The following TJAP1 variants were observed in gnomAD, a reference collection of about 807,000 sequenced individuals.
TJAP1 encodes the protein tight junction associated protein 1, also known as tight junction-associated protein 1.
In TJAP1, 27 loss-of-function variants were observed where a neutral mutation model predicts 42.0. The observed-to-expected ratio is 0.64, with a 90% CI of 0.47 to 0.89. The LOEUF is 0.89. Among genes scored for constraint, TJAP1 ranks in the 40% least tolerant of loss-of-function variants. The probability of loss-of-function intolerance (pLI) is 0.00; values close to 1 mark genes in which losing one functional copy is unlikely to be tolerated. For missense variants in TJAP1, 712 were observed against 726.9 expected, an observed-to-expected ratio of 0.98 and a Z score of 0.24; for synonymous variants, 257 against 288.4, an observed-to-expected ratio of 0.89 and a Z score of 1.10.
chr6:43,486,175 G>C (rs927965402), intron 2 of TJAP1, among the ~76,000 whole-genome samples: 2 of 151,830 alleles, frequency 1.3e-5, no homozygotes, highest in Non-Finnish European at 2.9e-5. Context: ...ATTTTGGCCA[G>C]GCTAGTCTGG....
chr6:43,504,627 G>C (rs1791817052), intron 10 of TJAP1, 134 bp from the exon 11 acceptor site: 1 of 1,131,940 alleles, frequency 8.8e-7, no homozygotes, highest in Non-Finnish European at 1.3e-6. Flanking sequence ...ACACTGGCAT[G>C]CTGTAAGAAC....
chr6:43,501,925 A>ACT (rs1790846971), intron 6 of TJAP1, among the ~76,000 whole-genome samples: 8 of 102,290 alleles, frequency 7.8e-5, no homozygotes, highest in African/African-American at 1.9e-4. Context: ...ACACACACAC[A>ACT]CACTCTCTCT....
chr6:43,503,700 T>G lies in TJAP1; in HGVS notation c.573T>G (p.Phe191Leu). The change falls in exon 10 of 11, where the codon TTT becomes TTG. Residue 191 changes from phenylalanine (F) to leucine (L), a missense_variant. By Grantham distance (22) the Phe-to-Leu change is conservative. Coordinates refer to ENST00000372449, the Ensembl canonical transcript of TJAP1. ...AGTCCCACTTCCGAAACCACAAGTT[T>G]GCCGATGTGAGTAGAACTCACCCCC... 3 of 1,614,088 alleles carry G rather than the reference T, an allele frequency of 1.9e-6. 1 individual carries two copies. In the South Asian group the frequency reaches 3.3e-5, roughly 18 times the overall value.
At chr6:43,498,299 C>T (rs1789696555) in intron 3 of TJAP1, among the ~76,000 whole-genome samples, 1 of 152,216 alleles carries the variant, frequency 6.6e-6, no homozygotes, top group African/African-American at 2.4e-5. Context: ...GAATCAGTAG[C>T]TCACACCTAT....
rs932496806 is a variant in TJAP1, at chr6:43,498,970, C to T, written c.-24-8C>T. ...CTCTGAGCCTGCCTCCTTCTTGCTT[C>T]TCAGCAGGCGGAGGAGCCGTCACCT... On this transcript the variant is annotated splice_region_variant and splice_polypyrimidine_tract_variant and intron_variant, in intron 3 of 10. Transcript: ENST00000372449. The T allele has an allele frequency of 1.2e-6, 2 of 1,611,230 alleles. No individual in the cohort carries two copies. Among genetic ancestry groups the T allele is most frequent in the Non-Finnish European group, 1.7e-6 (2 of 1,179,292 alleles).
intron 3 of TJAP1, 27 bp from the exon 4 acceptor site, chr6:43,498,951 G>A (rs746802513): frequency 6.2e-7 from 1 of 1,605,768 alleles, no homozygotes; most frequent in Non-Finnish European, 8.5e-7. Flanking sequence ...ACATCTCTGA[G>A]CCTGCCTCCT....
chr6:43,483,002 A>G (rs1366830225), intron 2 of TJAP1, among the ~76,000 whole-genome samples: 5 of 152,210 alleles, frequency 3.3e-5, no homozygotes, highest in Middle Eastern at 3.4e-3. Context: ...CGTACCTGCA[A>G]TCCCAGCTAC....
intron 6 of TJAP1, among the ~76,000 whole-genome samples, chr6:43,502,070 ACACACACTCT>A (rs1790967856): frequency 8.1e-6 from 1 of 123,854 alleles, no homozygotes; most frequent in South Asian, 2.6e-4. Flanking sequence ...ACACACACAC[ACACACACTCT>A]CTCTCTCTCT....
chr6:43,479,842 C>A (rs1408836551), intron 2 of TJAP1, among the ~76,000 whole-genome samples: 1 of 152,054 alleles, frequency 6.6e-6, no homozygotes, highest in Non-Finnish European at 1.5e-5. Flanking sequence ...TGGTGGCATG[C>A]GCCTGTAGTC....
intron 2 of TJAP1, chr6:43,497,069 C>G (rs1201710055): frequency 1.3e-5 from 2 of 152,324 alleles, no homozygotes; most frequent in Non-Finnish European, 2.9e-5. Context: ...GTTTTCTTCA[C>G]GAGTGTTCCT....
chr6:43,501,756 ACACTCT>A (rs1346492485), intron 6 of TJAP1, 69 bp downstream of exon 6: 206 of 522,194 alleles, frequency 3.9e-4, no homozygotes, highest in East Asian at 3.3e-3. Context: ...ACACACACAC[ACACTCT>A]CTCTGTCTCT....
In TJAP1 at chr6:43,505,860, C is replaced by A. The variant is rs1353310853; in HGVS notation, c.*5C>A. 2.8e-5 allele frequency: 40 copies of A among 1,452,474 alleles called. No homozygotes were observed. Among genetic ancestry groups the A allele is most frequent in the Non-Finnish European group, 3.5e-5 (39 of 1,106,924 alleles). 90.0% of individuals were successfully genotyped at this position (1,452,474 alleles called of 1,614,324 possible). On this transcript the variant is annotated 3_prime_UTR_variant, in exon 11 of 11. Coordinates refer to ENST00000372449, the Ensembl canonical transcript of TJAP1. This position sits in a 1 kb window ranked among gnomAD's most constrained non-coding sequence, Gnocchi z 5.5. ...CAGGGCAACCTGCTCAACTAGGGCC[C>A]CTGCTGGCCTTCCTGCCATTGCTGC...
intron 10 of TJAP1, 68 bp from the exon 11 acceptor site, chr6:43,504,693 T>G: frequency 6.4e-7 from 1 of 1,551,960 alleles, no homozygotes; most frequent in Non-Finnish European, 8.7e-7. Context: ...AGCCATTACT[T>G]TCGCCATGAG....
At chr6:43,487,421 T>C (rs1179764624) in intron 2 of TJAP1, among the ~76,000 whole-genome samples, 1 of 152,216 alleles carries the variant, frequency 6.6e-6, no homozygotes, top group Non-Finnish European at 1.5e-5. Context: ...GTCTTGATAT[T>C]AGGGCAGAAT....
chr6:43,489,821 C>T (rs1254268306), intron 2 of TJAP1: 1 of 152,220 alleles, frequency 6.6e-6, no homozygotes, highest in African/African-American at 2.4e-5. Context: ...TGCGATGCTT[C>T]CCATCAGGAG....
intron 2 of TJAP1, among the ~76,000 whole-genome samples, chr6:43,485,660 ATCT>A (rs1361193965): frequency 1.3e-5 from 2 of 152,248 alleles, no homozygotes; most frequent in African/African-American, 4.8e-5. Flanking sequence ...TAGGAGTAAG[ATCT>A]TCTGTCTCTG....
rs1466316670 is a variant in TJAP1, at chr6:43,505,744, A to G, written c.1563A>G (p.Pro521=). 2.0e-6 allele frequency: 3 copies of G among 1,532,968 alleles called. No individual in the cohort carries two copies. Among genetic ancestry groups the G allele is most frequent in the Admixed American group, 4.2e-5 (2 of 47,366 alleles). The allele number at this position is 1,532,968 out of a possible 1,614,324, so 95.0% of individuals were successfully genotyped here. ...CCCACACCGAGGGCAGGGCCTGGCC[A>G]CTCCCCAGCTCCAGTCGCCCCCAGC... is the stretch of plus-strand genomic sequence containing the variant. The change falls in exon 11 of 11, where the codon CCA becomes CCG. Residue 521 remains proline, a synonymous_variant. Transcript: ENST00000372449. The surrounding 1 kb of genome is among the most constrained non-coding windows in gnomAD (Gnocchi z 5.5).
intron 2 of TJAP1, among the ~76,000 whole-genome samples, chr6:43,488,235 T>C (rs1265924933): frequency 6.7e-6 from 1 of 148,276 alleles, no homozygotes; most frequent in Non-Finnish European, 1.5e-5. Flanking sequence ...TACAGACTCT[T>C]CTTCAGCTTT....
chr6:43,480,866 T>C (rs1785160746), intron 2 of TJAP1, among the ~76,000 whole-genome samples: 1 of 152,198 alleles, frequency 6.6e-6, no homozygotes, highest in Non-Finnish European at 1.5e-5. Flanking sequence ...ATTATCCCTG[T>C]CTTACAGATG....
Sources: gnomAD v4.1 joint callset for allele counts (sites outside exome capture counted in the v4.1 genomes callset) on GRCh38, gnomAD v4.1.1 for gene constraint, Gnocchi (gnomAD v3.1) non-coding constraint, MANE v1.5 for transcripts, NCBI Gene and HGNC (gene_info 2026-07-23, HGNC 2026-07-21) for gene names.